Variants in EEPD1 observed in about 807,000 individuals in gnomAD.
EEPD1 encodes the protein endonuclease/exonuclease/phosphatase family domain containing 1, also known as endonuclease/exonuclease/phosphatase family domain-containing protein 1.
Under a neutral mutation model 46.3 loss-of-function variants are expected in EEPD1, and 17 were observed. The observed-to-expected ratio is 0.37, with a 90% confidence interval of 0.25 to 0.55. EEPD1 has a LOEUF of 0.55. Among genes scored for constraint, EEPD1 ranks in the 20% least tolerant of loss-of-function variants. The probability of loss-of-function intolerance (pLI) is 0.83; values close to 1 mark genes in which losing one functional copy is unlikely to be tolerated. For synonymous variants in EEPD1, 313 were observed against 315.6 expected, an observed-to-expected ratio of 0.99 and a Z score of 0.09; for missense variants, 673 against 745.6, an observed-to-expected ratio of 0.90 and a Z score of 1.13.
intron 3 of EEPD1, among the ~76,000 whole-genome samples, chr7:36,266,775 T>G (rs1787025778): frequency 6.6e-6 from 1 of 152,188 alleles, no homozygotes; most frequent in Non-Finnish European, 1.5e-5. Flanking sequence ...CAATCTGGAT[T>G]CTGTCCAAAG....
intron 2 of EEPD1, among the ~76,000 whole-genome samples, chr7:36,189,272 G>T (rs79039074): frequency 3.3e-5 from 5 of 152,202 alleles, no homozygotes; most frequent in African/African-American, 9.7e-5. Context: ...CAGAAGTTTC[G>T]AGAGGAGTGT....
chr7:36,283,665 T>A (rs1787296370), intron 4 of EEPD1, among the ~76,000 whole-genome samples: 1 of 152,170 alleles, frequency 6.6e-6, no homozygotes, highest in Admixed American at 6.5e-5. Flanking sequence ...GGCAAGGAGA[T>A]AATTTCAAAT....
chr7:36,283,259 C>T (rs1327417283), intron 4 of EEPD1, among the ~76,000 whole-genome samples: 7 of 152,156 alleles, frequency 4.6e-5, no homozygotes, highest in South Asian at 4.1e-4. Flanking sequence ...GGAAAGGCTC[C>T]CAGGAGGGGC....
chr7:36,170,206 C>T (rs985831079), intron 2 of EEPD1, among the ~76,000 whole-genome samples: 7 of 152,086 alleles, frequency 4.6e-5, no homozygotes, highest in Non-Finnish European at 5.9e-5. Context: ...GTCAGGAGTT[C>T]GAGACCAGCC....
chr7:36,247,488 A>C (rs1786659814), intron 3 of EEPD1, among the ~76,000 whole-genome samples: 1 of 152,236 alleles, frequency 6.6e-6, no homozygotes. Context: ...AACGGGGATA[A>C]AGTTATAAAG....
intron 2 of EEPD1, among the ~76,000 whole-genome samples, chr7:36,210,099 G>C (rs1785900802): frequency 6.6e-6 from 1 of 152,122 alleles, no homozygotes; most frequent in Non-Finnish European, 1.5e-5. Context: ...CTGGAGATGA[G>C]GTGGTGGGTG....
At chr7:36,213,723 C>T (rs954803630) in intron 2 of EEPD1, among the ~76,000 whole-genome samples, 5 of 152,138 alleles carry the variant, frequency 3.3e-5, no homozygotes, top group African/African-American at 9.7e-5. Context: ...TACCCCTTAC[C>T]CCATCACATG....
intron 3 of EEPD1, among the ~76,000 whole-genome samples, chr7:36,240,803 T>C (rs1786543866): frequency 6.6e-6 from 1 of 152,172 alleles, no homozygotes; most frequent in Non-Finnish European, 1.5e-5. Flanking sequence ...CAGACCTGGG[T>C]TGGGGGGATG....
chr7:36,204,080 G>C (rs1285553153), intron 2 of EEPD1, among the ~76,000 whole-genome samples: 1 of 148,614 alleles, frequency 6.7e-6, no homozygotes, highest in East Asian at 2.0e-4. Context: ...TGTGGCCCAG[G>C]CTAGAGTGCA....
At chr7:36,292,122 C>G (rs2115893722) in intron 6 of EEPD1, among the ~76,000 whole-genome samples, 1 of 152,314 alleles carries the variant, frequency 6.6e-6, no homozygotes, top group African/African-American at 2.4e-5. Flanking sequence ...GGAAACTGAT[C>G]AGGAAGGGGG....
chr7:36,296,147 T>C (rs1050805724), intron 6 of EEPD1, among the ~76,000 whole-genome samples: 4 of 151,076 alleles, frequency 2.6e-5, no homozygotes, highest in Non-Finnish European at 5.9e-5. Flanking sequence ...ATTATGTGCA[T>C]CAACATGATG....
chr7:36,276,834 T>C (rs1787188775), intron 3 of EEPD1, among the ~76,000 whole-genome samples: 1 of 152,120 alleles, frequency 6.6e-6, no homozygotes, highest in African/African-American at 2.4e-5. Context: ...CAGATGGGGA[T>C]AGGTGATGAG....
chr7:36,272,366 A>G (rs980288752), intron 3 of EEPD1, among the ~76,000 whole-genome samples: 61 of 152,184 alleles, frequency 4.0e-4, no homozygotes, highest in African/African-American at 1.4e-3. Context: ...GTGAAAGTGC[A>G]GAGTCCCTAA....
chr7:36,179,463 G>A (rs1668728573), intron 2 of EEPD1, among the ~76,000 whole-genome samples: 3 of 151,860 alleles, frequency 2.0e-5, no homozygotes, highest in African/African-American at 7.2e-5. Flanking sequence ...GCACACACCT[G>A]TAATCCCAGC....
In EEPD1 at chr7:36,299,385, G is replaced by A. The variant is rs1052712480; in HGVS notation, c.*179G>A. ...ATTCAGGACCTCCAGTGGGGGTGGC[G>A]TGCCAGGCGCGTACCCCACCAGGTG... On this transcript the variant is annotated 3_prime_UTR_variant, in exon 8 of 8. Transcript: ENST00000242108. 20 of 770,172 alleles carry A rather than the reference G, an allele frequency of 2.6e-5. No homozygotes were observed. Among genetic ancestry groups the A allele is most frequent in the Admixed American group, 5.8e-5 (2 of 34,386 alleles). 47.7% of individuals were successfully genotyped at this position (770,172 alleles called of 1,614,324 possible). A position where few individuals can be genotyped will look rare whatever the true frequency, so the allele number is the denominator to read the frequency against.
chr7:36,281,325 G>T (rs769616278), intron 4 of EEPD1, 100 bp downstream of exon 4: 132 of 1,066,108 alleles, frequency 1.2e-4, no homozygotes, highest in Non-Finnish European at 1.7e-4. Context: ...CAATATCCCC[G>T]GTTCAATTTT....
chr7:36,202,296 G>C (rs1168872664), intron 2 of EEPD1, among the ~76,000 whole-genome samples: 6 of 152,356 alleles, frequency 3.9e-5, no homozygotes, highest in East Asian at 3.9e-4. Flanking sequence ...TCAGGGGCCT[G>C]AGATCCTGCT....
intron 2 of EEPD1, among the ~76,000 whole-genome samples, chr7:36,209,850 T>C (rs146202764): frequency 2.1e-3 from 325 of 152,304 alleles, no homozygotes; most frequent in African/African-American, 7.6e-3. Context: ...CATATCCCAA[T>C]AGACACCACC....
chr7:36,215,126 C>T (rs560929322), intron 2 of EEPD1, among the ~76,000 whole-genome samples: 4 of 152,294 alleles, frequency 2.6e-5, no homozygotes, highest in Non-Finnish European at 4.4e-5. Flanking sequence ...ATAGCAGTGG[C>T]GTCTGGGACC....
Sources: gnomAD v4.1 joint callset for allele counts (sites outside exome capture counted in the v4.1 genomes callset) on GRCh38, gnomAD v4.1.1 for gene constraint, MANE v1.5 for transcripts, NCBI Gene and HGNC (gene_info 2026-07-23, HGNC 2026-07-21) for gene names.